MICU1: variants seen among roughly 807,000 people sequenced by gnomAD.
The protein encoded by MICU1 is calcium uptake protein 1, mitochondrial.
A neutral mutation model predicts 56.8 loss-of-function variants in MICU1; 45 were observed. The ratio of observed to expected loss-of-function variants is 0.79; its 90% confidence interval spans 0.62 to 1.02. The LOEUF is 1.02. Among genes scored for constraint, MICU1 ranks in the 50% least tolerant of loss-of-function variants. The pLI is 0.00. For missense variants in MICU1, 504 were observed against 587.1 expected, an observed-to-expected ratio of 0.86 and a Z score of 1.46; for synonymous variants, 186 against 195.1, an observed-to-expected ratio of 0.95 and a Z score of 0.39.
chr10:72,431,844 C>A (rs932109062), intron 8 of MICU1, among the ~76,000 whole-genome samples: 4 of 152,082 alleles, frequency 2.6e-5, no homozygotes, highest in Non-Finnish European at 5.9e-5. Flanking sequence ...TGAGAATATG[C>A]ATTTCTTAGT....
intron 8 of MICU1, among the ~76,000 whole-genome samples, chr10:72,456,840 G>C (rs6415908): frequency 0.66 from 96,133 of 145,394 alleles, 32,433 homozygotes; most frequent in African/African-American, 0.77. Flanking sequence ...CCACCATGCC[G>C]GGCTCATTTT....
At chr10:72,523,811 T>G in intron 5 of MICU1, 1 of 1,521,896 alleles carries the variant, frequency 6.6e-7, no homozygotes. Flanking sequence ...CCTTTAGGAG[T>G]GTCCTTGAAG....
intron 6 of MICU1, among the ~76,000 whole-genome samples, chr10:72,494,327 T>G (rs1035616349): frequency 1.3e-5 from 2 of 152,184 alleles, no homozygotes; most frequent in African/African-American, 4.8e-5. Flanking sequence ...GGGAGGCAGT[T>G]AAGCTGCAGT....
At chr10:72,552,077 G>A (rs1275526830) in intron 3 of MICU1, among the ~76,000 whole-genome samples, 1 of 152,122 alleles carries the variant, frequency 6.6e-6, no homozygotes, top group Non-Finnish European at 1.5e-5. Flanking sequence ...ATTCAATGAT[G>A]GCATAGAAAA....
At chr10:72,514,295 A>G (rs1389372769) in intron 5 of MICU1, among the ~76,000 whole-genome samples, 1 of 152,102 alleles carries the variant, frequency 6.6e-6, no homozygotes, top group African/African-American at 2.4e-5. Context: ...AAAGTCTTTG[A>G]GTAGTACATA....
At chr10:72,559,945 G>C (rs879839255) in intron 3 of MICU1, among the ~76,000 whole-genome samples, 1 of 152,140 alleles carries the variant, frequency 6.6e-6, no homozygotes, top group Non-Finnish European at 1.5e-5. Context: ...GGTTGTGTGC[G>C]TTATGAGAAT....
At chr10:72,377,467 T>C (rs1265438039) in intron 10 of MICU1, among the ~76,000 whole-genome samples, 1 of 152,186 alleles carries the variant, frequency 6.6e-6, no homozygotes, top group Non-Finnish European at 1.5e-5. Flanking sequence ...AAAAAATATA[T>C]ATTTTTAGAC....
intron 6 of MICU1, among the ~76,000 whole-genome samples, chr10:72,478,999 A>G (rs1163581085): frequency 6.6e-6 from 1 of 152,122 alleles, no homozygotes; most frequent in Non-Finnish European, 1.5e-5. Context: ...CACTTCTCAA[A>G]TTTTTGCTAC....
intron 1 of MICU1, among the ~76,000 whole-genome samples, chr10:72,596,113 G>A (rs1370209455): frequency 1.3e-5 from 2 of 151,216 alleles, no homozygotes; most frequent in Non-Finnish European, 2.9e-5. Flanking sequence ...AGCCTCCCCA[G>A]TAGCTGGGAT....
chr10:72,389,577 G>A (rs1207020195), intron 10 of MICU1, among the ~76,000 whole-genome samples: 3 of 152,198 alleles, frequency 2.0e-5, no homozygotes, highest in Non-Finnish European at 4.4e-5. Context: ...TTCAGTGTAA[G>A]TAGAATTGTG....
intron 1 of MICU1, among the ~76,000 whole-genome samples, chr10:72,572,784 G>A (rs548673734): frequency 1.5e-3 from 233 of 151,918 alleles, no homozygotes; most frequent in African/African-American, 5.4e-3. Flanking sequence ...CCCATCAAAC[G>A]GGCAAAAATC....
At chr10:72,545,268 G>GA (rs1839869158) in intron 4 of MICU1, among the ~76,000 whole-genome samples, 1 of 152,086 alleles carries the variant, frequency 6.6e-6, no homozygotes, top group Non-Finnish European at 1.5e-5. Context: ...TACTGTTGAT[G>GA]AAAAAAACAA....
intron 8 of MICU1, among the ~76,000 whole-genome samples, chr10:72,458,486 G>A (rs187911153): frequency 4.1e-4 from 62 of 152,102 alleles, no homozygotes; most frequent in South Asian, 1.9e-3. Flanking sequence ...TTCCAGTTGC[G>A]TATACTGGAA....
intron 6 of MICU1, among the ~76,000 whole-genome samples, chr10:72,490,327 T>A (rs532438511): frequency 9.9e-5 from 15 of 152,274 alleles, no homozygotes; most frequent in Admixed American, 6.5e-4. Context: ...TCCAAAACTT[T>A]CCCTTTAGAC....
chr10:72,605,349 C>G (rs1439429487), intron 1 of MICU1, among the ~76,000 whole-genome samples: 1 of 152,182 alleles, frequency 6.6e-6, no homozygotes, highest in Non-Finnish European at 1.5e-5. Context: ...CCCTAGAAAA[C>G]TCATAAATAA....
intron 8 of MICU1, among the ~76,000 whole-genome samples, chr10:72,457,103 CTTGAGCCA>C (rs1865495250): frequency 1.3e-5 from 2 of 151,424 alleles, no homozygotes; most frequent in African/African-American, 2.4e-5. Context: ...GAATTATAGG[CTTGAGCCA>C]CCATGCCCAT....
At chr10:72,571,901 A>G (rs1345163977) in intron 1 of MICU1, among the ~76,000 whole-genome samples, 1 of 152,150 alleles carries the variant, frequency 6.6e-6, no homozygotes, top group Non-Finnish European at 1.5e-5. Context: ...AAAAAAAATA[A>G]TGATAAAGAC....
chr10:72,519,848 G>A (rs538926166), intron 5 of MICU1, among the ~76,000 whole-genome samples: 5 of 152,290 alleles, frequency 3.3e-5, no homozygotes, highest in Non-Finnish European at 7.4e-5. Context: ...AGTTAAAGAA[G>A]TTGATGGACT....
intron 10 of MICU1, among the ~76,000 whole-genome samples, chr10:72,377,539 C>G (rs1862565630): frequency 6.6e-6 from 1 of 152,162 alleles, no homozygotes; most frequent in Non-Finnish European, 1.5e-5. Flanking sequence ...CCGTCAAACA[C>G]TAGCAATTAT....
Sources: gnomAD v4.1 joint callset for allele counts (sites outside exome capture counted in the v4.1 genomes callset) on GRCh38, gnomAD v4.1.1 for gene constraint, MANE v1.5 for transcripts, NCBI Gene and HGNC (gene_info 2026-07-23, HGNC 2026-07-21) for gene names.